Variants in B4GALT5 observed in about 807,000 individuals in gnomAD.
B4GALT5 encodes the protein beta-1,4-galactosyltransferase 5.
B4GALT5 carries 11 observed loss-of-function variants against 45.0 expected under a neutral mutation model. The ratio of observed to expected loss-of-function variants is 0.24; its 90% CI spans 0.15 to 0.40. The LOEUF (loss-of-function observed/expected upper bound fraction) is 0.40, where lower values mean the gene tolerates loss of function less well. Ranked by LOEUF, B4GALT5 falls within the 10% of genes least tolerant of loss-of-function variation. The probability of loss-of-function intolerance (pLI) is 1.00; values close to 1 mark genes in which losing one functional copy is unlikely to be tolerated. For synonymous variants in B4GALT5, 185 were observed against 182.9 expected, an observed-to-expected ratio of 1.01 and a Z score of -0.09; for missense variants, 337 against 500.2, an observed-to-expected ratio of 0.67 and a Z score of 3.11.
In B4GALT5 at chr20:49,656,659, G is replaced by A; in HGVS notation, c.159C>T (p.Ile53=). 6.2e-7 allele frequency: 1 copy of A among 1,614,074 alleles called. No homozygotes were observed. Among genetic ancestry groups the A allele is most frequent in the Non-Finnish European group, 8.5e-7 (1 of 1,180,020 alleles). Residue 53 remains isoleucine (I), a synonymous_variant, in exon 2 of 9, where the codon ATC becomes ATT. Coordinates refer to ENST00000371711, the MANE Select transcript of B4GALT5 (RefSeq NM_004776.4). ...LFMMQAQGIL[I]RDNVRTIGAQ... ...CACCGATTGTTCTCACGTTGTCCCG[G>A]ATCAGAATGCCTTGGGCTTGCATCA...
At chr20:49,663,708 T>A (rs1160574713) in intron 1 of B4GALT5, among the ~76,000 whole-genome samples, 4,114 of 102,542 alleles carry the variant, frequency 0.04, 379 homozygotes, top group East Asian at 0.13. Flanking sequence ...CATATATATA[T>A]ATATATATAT....
intron 1 of B4GALT5, among the ~76,000 whole-genome samples, chr20:49,712,198 G>C (rs752798522): frequency 1.2e-4 from 18 of 152,124 alleles, no homozygotes; most frequent in Non-Finnish European, 2.1e-4. Flanking sequence ...AACTCTTCAA[G>C]CACCAGGTAC....
At position 49,656,619 on chromosome 20, in the gene B4GALT5, G is replaced by C. The variant is rs756791762; in HGVS notation, c.199C>G (p.Gln67Glu). Residue 67 changes from glutamine (Q) to glutamate (E), a missense_variant, in exon 2 of 9, where the codon CAG (glutamine) becomes GAG (glutamate). Coordinates refer to ENST00000371711, the MANE Select transcript of B4GALT5 (RefSeq NM_004776.4). ...VRTIGAQVYE[Q>E]VLRSAYAKRN... is the part of the protein sequence containing the mutation. ...TTGGCATAAGCACTCCGAAGCACCT[G>C]CTCATAAACCTGAGCACCGATTGTT... is the stretch of plus-strand genomic sequence containing the variant. 4 of 1,614,032 alleles carry C rather than the reference G, an allele frequency of 2.5e-6. No homozygotes were observed. The highest frequency in any genetic ancestry group is 3.4e-6 in the Non-Finnish European group (4 of 1,180,044).
intron 1 of B4GALT5, among the ~76,000 whole-genome samples, chr20:49,669,471 T>C (rs1010078823): frequency 3.9e-5 from 6 of 152,094 alleles, no homozygotes; most frequent in East Asian, 3.9e-4. Context: ...CTGAGGCAGG[T>C]GGATCACCTG....
intron 1 of B4GALT5, among the ~76,000 whole-genome samples, chr20:49,676,983 T>C (rs1334403759): frequency 6.6e-6 from 1 of 152,196 alleles, no homozygotes; most frequent in Non-Finnish European, 1.5e-5. Context: ...ACCTATGATG[T>C]ATGTCCTTAT....
At chr20:49,670,309 A>G (rs576927826) in intron 1 of B4GALT5, among the ~76,000 whole-genome samples, 2 of 152,372 alleles carry the variant, frequency 1.3e-5, no homozygotes, top group South Asian at 2.1e-4. Context: ...GAATAAGAAC[A>G]TGTATCAGGC....
intron 1 of B4GALT5, among the ~76,000 whole-genome samples, chr20:49,698,138 A>G (rs562997480): frequency 2.3e-4 from 35 of 152,214 alleles, no homozygotes; most frequent in Non-Finnish European, 8.8e-5. Context: ...CCTGGCCAAC[A>G]TGGCGAAACC....
chr20:49,659,284 C>A (rs551408871), intron 1 of B4GALT5, among the ~76,000 whole-genome samples: 7 of 152,284 alleles, frequency 4.6e-5, no homozygotes, highest in African/African-American at 1.7e-4. Context: ...TGCCTTTATC[C>A]CTGAGCTGCT....
chr20:49,710,871 T>C (rs2085906911), intron 1 of B4GALT5, among the ~76,000 whole-genome samples: 1 of 152,068 alleles, frequency 6.6e-6, no homozygotes, highest in Admixed American at 6.6e-5. Context: ...TCTAAAAATT[T>C]AAGTTCAACA....
chr20:49,686,583 T>C (rs1365431947), intron 1 of B4GALT5, among the ~76,000 whole-genome samples: 1 of 151,714 alleles, frequency 6.6e-6, no homozygotes, highest in Non-Finnish European at 1.5e-5. Context: ...TACCATCAAA[T>C]TGTCAGTAAA....
At chr20:49,645,304 A>G (rs1387072318) in intron 3 of B4GALT5, among the ~76,000 whole-genome samples, 1 of 152,222 alleles carries the variant, frequency 6.6e-6, no homozygotes, top group Non-Finnish European at 1.5e-5. Flanking sequence ...CCAGTGACGG[A>G]TGGCATATAC....
At chr20:49,701,488 A>C (rs1051467988) in intron 1 of B4GALT5, among the ~76,000 whole-genome samples, 1 of 152,056 alleles carries the variant, frequency 6.6e-6, no homozygotes, top group Non-Finnish European at 1.5e-5. Context: ...AGAAAAAAAA[A>C]CCCTGTGCAC....
At chr20:49,679,467 G>C (rs146981294) in intron 1 of B4GALT5, among the ~76,000 whole-genome samples, 1 of 151,104 alleles carries the variant, frequency 6.6e-6, no homozygotes, top group African/African-American at 2.4e-5. Context: ...AGAAGTTCGA[G>C]ACCAGCCTGG....
intron 1 of B4GALT5, among the ~76,000 whole-genome samples, chr20:49,669,948 A>G (rs2085709042): frequency 6.6e-6 from 1 of 152,226 alleles, no homozygotes; most frequent in Non-Finnish European, 1.5e-5. Flanking sequence ...ATACCTTCTG[A>G]GCTAGCAAAG....
intron 1 of B4GALT5, among the ~76,000 whole-genome samples, chr20:49,690,007 T>C (rs975623492): frequency 1.3e-5 from 2 of 152,088 alleles, no homozygotes; most frequent in African/African-American, 4.8e-5. Context: ...GTTGTTGTTA[T>C]TTGTTTGTTT....
chr20:49,706,312 T>G (rs950868716), intron 1 of B4GALT5, among the ~76,000 whole-genome samples: 10 of 152,124 alleles, frequency 6.6e-5, no homozygotes, highest in African/African-American at 2.4e-4. Flanking sequence ...GGTAGTATCC[T>G]CTATTTGAAA....
At chr20:49,658,320 C>T (rs2085651619) in intron 1 of B4GALT5, among the ~76,000 whole-genome samples, 1 of 152,170 alleles carries the variant, frequency 6.6e-6, no homozygotes. Flanking sequence ...GGGGGGCAGT[C>T]CACAAATACT....
At chr20:49,704,206 A>G (rs1026626194) in intron 1 of B4GALT5, among the ~76,000 whole-genome samples, 4 of 152,200 alleles carry the variant, frequency 2.6e-5, no homozygotes, top group Admixed American at 1.3e-4. Context: ...TCTGTGAGGA[A>G]AAAATAACCC....
rs903970455 is a variant in B4GALT5 at position 49,661,846 on chromosome 20, C to T, written c.116-5144G>A. On this transcript the variant is annotated intron_variant, in intron 1 of 8. Transcript: ENST00000371711. Reference sequence around the variant, plus strand: ...TCACACTTACTAATAATTTGTTTTACACTTTCATGAGACAATGTAATTATT... The same window carrying T: ...TCACACTTACTAATAATTTGTTTTATACTTTCATGAGACAATGTAATTATT... Among the ~76,000 whole-genome samples the T allele has an allele frequency of 2.6e-5, 4 of 152,204 alleles. No individual in the cohort carries two copies. In the South Asian group the frequency reaches 8.3e-4, roughly 31 times the overall value.
Sources: gnomAD v4.1 joint callset for allele counts (sites outside exome capture counted in the v4.1 genomes callset) on GRCh38, gnomAD v4.1.1 for gene constraint, MANE v1.5 for transcripts, NCBI Gene and HGNC (gene_info 2026-07-23, HGNC 2026-07-21) for gene names.